The following CSMD1 variants were observed in gnomAD, a reference collection of about 807,000 sequenced individuals.
CSMD1 encodes CUB and Sushi multiple domains 1, also known as CUB and sushi domain-containing protein 1.
A neutral mutation model predicts 417.5 loss-of-function variants in CSMD1; 213 were observed. The ratio of observed to expected loss-of-function variants is 0.51; its 90% CI spans 0.46 to 0.57. CSMD1 has a LOEUF of 0.57. Among genes scored for constraint, CSMD1 ranks in the 20% least tolerant of loss-of-function variants. CSMD1 has a pLI of 0.00. For missense variants in CSMD1, 6,923 were observed against 4,529.7 expected, an observed-to-expected ratio of 1.53 and a Z score of -15.17; for synonymous variants, 2,862 against 1,736.8, an observed-to-expected ratio of 1.65 and a Z score of -16.11.
At chr8:4,623,689 T>C (rs1801914849) in intron 2 of CSMD1, among the ~76,000 whole-genome samples, 1 of 152,134 alleles carries the variant, frequency 6.6e-6, no homozygotes, top group Non-Finnish European at 1.5e-5. Flanking sequence ...TGGATGGACC[T>C]CAAAATCATT....
chr8:3,532,394 G>A (rs965064468), intron 10 of CSMD1, among the ~76,000 whole-genome samples: 1 of 152,130 alleles, frequency 6.6e-6, no homozygotes, highest in African/African-American at 2.4e-5. Context: ...GAGTGGTGAG[G>A]ATGGTGAGCT....
chr8:4,529,335 C>T (rs954590297), intron 2 of CSMD1, among the ~76,000 whole-genome samples: 5 of 152,222 alleles, frequency 3.3e-5, no homozygotes, highest in Non-Finnish European at 7.3e-5. Context: ...AAGAATCCAG[C>T]TGTCTGCTGT....
intron 4 of CSMD1, among the ~76,000 whole-genome samples, chr8:3,998,477 A>C (rs1344199499): frequency 1.3e-5 from 2 of 152,204 alleles, no homozygotes; most frequent in African/African-American, 4.8e-5. Context: ...TGAGACTTAA[A>C]AACATGTGGG....
At chr8:3,598,844 A>C (rs1217203734) in intron 8 of CSMD1, among the ~76,000 whole-genome samples, 1 of 152,122 alleles carries the variant, frequency 6.6e-6, no homozygotes, top group African/African-American at 2.4e-5. Context: ...GCACTTTGGG[A>C]GGCCGACACA....
At chr8:4,313,468 G>T (rs1798743710) in intron 3 of CSMD1, among the ~76,000 whole-genome samples, 1 of 147,632 alleles carries the variant, frequency 6.8e-6, no homozygotes, top group African/African-American at 2.5e-5. Context: ...TAGCAATGCA[G>T]GAACCCGAAG....
Position 3,406,104 on chromosome 8 carries a change from G to T in CSMD1, c.2189C>A (p.Thr730Asn). 2 of 1,613,934 alleles carry T rather than the reference G, an allele frequency of 1.2e-6. No individual in the cohort carries two copies. The highest frequency in any genetic ancestry group is 2.2e-5 in the East Asian group (1 of 44,856). ...SFHCDDGFVK[T>N]QGSESITCIL... ...GCAGGTAATGGACTCGGATCCCTGG[G>T]TCTTGACAAAGCCATCATCACAGTG... The change falls in exon 15 of 70, where the codon ACC becomes AAC. Residue 730 changes from threonine (T) to asparagine (N), a missense_variant. Coordinates refer to ENST00000635120, the MANE Select transcript of CSMD1 (RefSeq NM_033225.6).
intron 26 of CSMD1, among the ~76,000 whole-genome samples, chr8:3,273,013 C>A (rs77649726): frequency 6.9e-4 from 104 of 150,796 alleles, no homozygotes; most frequent in African/African-American, 2.1e-3. Context: ...TTGTGCCAGT[C>A]TTCAAAGGGA....
chr8:3,466,992 A>T (rs1488058019), intron 12 of CSMD1, among the ~76,000 whole-genome samples: 1 of 152,176 alleles, frequency 6.6e-6, no homozygotes, highest in African/African-American at 2.4e-5. Flanking sequence ...AAGATAACAC[A>T]TGACATTGAA....
chr8:4,505,391 G>A (rs1374216891), intron 2 of CSMD1, among the ~76,000 whole-genome samples: 1 of 152,088 alleles, frequency 6.6e-6, no homozygotes, highest in Non-Finnish European at 1.5e-5. Flanking sequence ...TTTCTAAGAT[G>A]ATAAATAAAG....
rs1584971990 is a variant in CSMD1 at position 3,308,522 on chromosome 8, A to G, written c.3632-19T>C. 4 of 1,594,640 alleles carry G rather than the reference A, an allele frequency of 2.5e-6. No homozygotes were observed. In the African/African-American group the frequency reaches 5.4e-5, roughly 21 times the overall value. On this transcript the variant is annotated intron_variant, in intron 23 of 69. Coordinates refer to ENST00000635120, the MANE Select transcript of CSMD1 (RefSeq NM_033225.6). ...TCAAAACCTGCAAGAGAGAAAGGCAAGGAATGAACAGAACTCAAGGGTGGA... is the reference window on the plus strand; with the variant it reads ...TCAAAACCTGCAAGAGAGAAAGGCAGGGAATGAACAGAACTCAAGGGTGGA...
At chr8:3,614,769 G>A (rs111762036) in intron 8 of CSMD1, among the ~76,000 whole-genome samples, 35 of 152,244 alleles carry the variant, frequency 2.3e-4, no homozygotes, top group African/African-American at 7.0e-4. Flanking sequence ...TTTGTGCCAC[G>A]CACAGTTTTA....
At chr8:3,659,966 A>T (rs971868324) in intron 7 of CSMD1, among the ~76,000 whole-genome samples, 1 of 152,238 alleles carries the variant, frequency 6.6e-6, no homozygotes, top group Admixed American at 6.5e-5. Flanking sequence ...TCAAACTTTT[A>T]AGAAGAAATC....
At chr8:3,937,504 G>A (rs769604200) in intron 5 of CSMD1, among the ~76,000 whole-genome samples, 1 of 152,096 alleles carries the variant, frequency 6.6e-6, no homozygotes, top group Non-Finnish European at 1.5e-5. Context: ...ATGAGTCATT[G>A]AAGGTTTAGA....
intron 5 of CSMD1, among the ~76,000 whole-genome samples, chr8:3,962,424 C>T (rs1214947764): frequency 6.6e-6 from 1 of 152,218 alleles, no homozygotes; most frequent in Non-Finnish European, 1.5e-5. Flanking sequence ...CTACCACCCT[C>T]ACCTCTCAGC....
At chr8:3,302,292 T>C (rs1015509242) in intron 25 of CSMD1, among the ~76,000 whole-genome samples, 2 of 152,080 alleles carry the variant, frequency 1.3e-5, no homozygotes, top group Admixed American at 1.3e-4. Context: ...TTCTTTAATG[T>C]TTTTTTCTGG....
At chr8:3,408,423 A>G (rs1246437120) in intron 13 of CSMD1, among the ~76,000 whole-genome samples, 198 bp from the exon 14 acceptor site, 1 of 152,148 alleles carries the variant, frequency 6.6e-6, no homozygotes, top group African/African-American at 2.4e-5. Context: ...TCATTATCAT[A>G]TAGAGCACAA....
chr8:3,190,751 G>C (rs1796369798), intron 33 of CSMD1, among the ~76,000 whole-genome samples: 1 of 152,200 alleles, frequency 6.6e-6, no homozygotes, highest in Non-Finnish European at 1.5e-5. Context: ...TCCATCATCA[G>C]ATGAACAGAT....
Position 4,425,379 on chromosome 8 carries a change from CAAAA to C in CSMD1, c.303-5318_303-5315del, listed in dbSNP as rs3056571. On this transcript the variant is annotated intron_variant, in intron 2 of 69. Coordinates refer to ENST00000635120, the MANE Select transcript of CSMD1 (RefSeq NM_033225.6). Reference sequence around the variant, plus strand: ...AATGGATTCATTCTTATTTGTGTGCCAAAAAAAAAAAAAAAAAATAGAGTCCAAC... The same window carrying C: ...AATGGATTCATTCTTATTTGTGTGCCAAAAAAAAAAAAAATAGAGTCCAAC... 5.8e-3 allele frequency among the ~76,000 whole-genome samples: 749 copies of C among 128,808 alleles called. 8 individuals carry two copies. Among genetic ancestry groups the C allele is most frequent in the African/African-American group, 0.02 (708 of 35,194 alleles). The allele number at this position is 128,808 out of a possible 152,430, so 84.5% of individuals were successfully genotyped here.
chr8:3,799,645 G>A (rs1380963244), intron 5 of CSMD1, among the ~76,000 whole-genome samples: 1 of 151,944 alleles, frequency 6.6e-6, no homozygotes, highest in African/African-American at 2.4e-5. Flanking sequence ...TAGCATTGCA[G>A]AAAACAAGTT....
Sources: allele counts gnomAD v4.1 joint callset (sites outside exome capture counted in the v4.1 genomes callset), GRCh38; gene constraint gnomAD v4.1.1; transcripts MANE v1.5; gene names NCBI Gene and HGNC (gene_info 2026-07-23, HGNC 2026-07-21).